Variants in KCNIP1 observed in about 807,000 individuals in gnomAD.
KCNIP1 encodes the protein A-type potassium channel modulatory protein KCNIP1.
A neutral mutation model predicts 33.0 loss-of-function variants in KCNIP1; 18 were observed. The ratio of observed to expected loss-of-function variants is 0.55; its 90% confidence interval spans 0.38 to 0.81. The LOEUF is 0.81. Among genes scored for constraint, KCNIP1 ranks in the 30% least tolerant of loss-of-function variants. KCNIP1 has a pLI of 0.00. For missense variants in KCNIP1, 238 were observed against 271.6 expected, an observed-to-expected ratio of 0.88 and a Z score of 0.87; for synonymous variants, 93 against 98.3, an observed-to-expected ratio of 0.95 and a Z score of 0.32.
intron 1 of KCNIP1, among the ~76,000 whole-genome samples, chr5:170,628,059 T>C (rs1428366329): frequency 6.6e-6 from 1 of 152,060 alleles, no homozygotes; most frequent in Non-Finnish European, 1.5e-5. Flanking sequence ...GAGAAGTGAG[T>C]GGGGAATTCC....
chr5:170,544,853 T>G (rs909805535), intron 1 of KCNIP1, among the ~76,000 whole-genome samples: 4 of 152,204 alleles, frequency 2.6e-5, no homozygotes, highest in African/African-American at 9.6e-5. Flanking sequence ...TCTTTCTTTT[T>G]GTGCTGTTGT....
In KCNIP1 at chr5:170,467,881, G is replaced by A. The variant is rs976043369; in HGVS notation, c.88+113917G>A. Among the ~76,000 whole-genome samples the A allele has an allele frequency of 3.8e-5, 5 of 130,504 alleles. No individual in the cohort carries two copies. In the Admixed American group the frequency reaches 4.8e-4, roughly 13 times the overall value. The allele number at this position is 130,504 out of a possible 152,430, so 85.6% of individuals were successfully genotyped here. ...TGCAGTGAGCTGAGATCACGCCATT[G>A]CACTCCAGCCTGGGCAACAAAGTCA... On this transcript the variant is annotated intron_variant, in intron 1 of 7. Transcript: ENST00000377360.
chr5:170,500,888 A>G (rs1561653591), upstream of KCNIP1, among the ~76,000 whole-genome samples: 1 of 152,222 alleles, frequency 6.6e-6, no homozygotes, highest in East Asian at 1.9e-4. Flanking sequence ...ATGAATCTTC[A>G]CTTGGCAGAG....
At chr5:170,476,984 C>T (rs1047722066) in intron 1 of KCNIP1, among the ~76,000 whole-genome samples, 4 of 152,058 alleles carry the variant, frequency 2.6e-5, no homozygotes, top group African/African-American at 7.2e-5. Context: ...GTGTTAATGT[C>T]GGTTGACAGA....
chr5:170,570,404 C>G (rs144169598), intron 1 of KCNIP1, among the ~76,000 whole-genome samples: 2 of 152,288 alleles, frequency 1.3e-5, no homozygotes, highest in African/African-American at 4.8e-5. Context: ...GGAAAATGCA[C>G]GCTGTTACAC....
intron 1 of KCNIP1, among the ~76,000 whole-genome samples, chr5:170,401,466 T>A (rs547497660): frequency 6.6e-6 from 1 of 152,236 alleles, no homozygotes; most frequent in South Asian, 2.1e-4. Flanking sequence ...ACTGATTTTT[T>A]AAAAATCAGC....
intron 1 of KCNIP1, among the ~76,000 whole-genome samples, chr5:170,437,645 G>A (rs911953405): frequency 6.6e-6 from 1 of 152,146 alleles, no homozygotes; most frequent in Non-Finnish European, 1.5e-5. Flanking sequence ...GAGGTGGACC[G>A]GCCGGAGCAG....
chr5:170,616,987 T>C (rs2113631213), intron 1 of KCNIP1, among the ~76,000 whole-genome samples: 1 of 151,982 alleles, frequency 6.6e-6, no homozygotes, highest in Admixed American at 6.6e-5. Context: ...TGACACTGAG[T>C]TGTAACTGGG....
At chr5:170,692,187 C>A (rs996823387) in intron 1 of KCNIP1, among the ~76,000 whole-genome samples, 1 of 152,162 alleles carries the variant, frequency 6.6e-6, no homozygotes, top group Non-Finnish European at 1.5e-5. Context: ...GCTACTACAG[C>A]CAGGTTGTCA....
At chr5:170,716,600 G>T (rs1232333523) in intron 1 of KCNIP1, among the ~76,000 whole-genome samples, 2 of 152,208 alleles carry the variant, frequency 1.3e-5, no homozygotes, top group Admixed American at 1.3e-4. Flanking sequence ...GAATCTGTTT[G>T]ATGTAGAAGT....
chr5:170,727,227 T>C (rs1042438596), intron 5 of KCNIP1, among the ~76,000 whole-genome samples: 4 of 152,240 alleles, frequency 2.6e-5, no homozygotes, highest in African/African-American at 7.2e-5. Flanking sequence ...TTTTACTCCA[T>C]TTACATGAGA....
chr5:170,624,471 C>T (rs1227665172), intron 1 of KCNIP1, among the ~76,000 whole-genome samples: 1 of 152,062 alleles, frequency 6.6e-6, no homozygotes, highest in Non-Finnish European at 1.5e-5. Context: ...TGTATTCTCT[C>T]GTTTTCCTTC....
chr5:170,624,727 G>GGGGGGGGGT (rs1287768242), intron 1 of KCNIP1, among the ~76,000 whole-genome samples: 2 of 97,342 alleles, frequency 2.1e-5, no homozygotes, highest in African/African-American at 4.1e-5. Context: ...AGGAGACCGG[G>GGGGGGGGGT]GAGGTGGGGG....
At chr5:170,671,217 T>C (rs1333950895) in intron 1 of KCNIP1, among the ~76,000 whole-genome samples, 2 of 152,202 alleles carry the variant, frequency 1.3e-5, no homozygotes, top group African/African-American at 4.8e-5. Context: ...TAACACGGTC[T>C]ACAATATTCT....
rs550370047 is a variant in KCNIP1, at chr5:170,413,905, T to C, written c.88+59941T>C. On this transcript the variant is annotated intron_variant, in intron 1 of 7. Transcript: ENST00000377360. ...TCCCCTGGTCTTGTCCAACTGTATC[T>C]GCTACCATTCCTGAGTGGAAGTTAA... is the stretch of plus-strand genomic sequence containing the variant. 8.1e-4 allele frequency among the ~76,000 whole-genome samples: 119 copies of C among 147,472 alleles called. No homozygotes were observed. The Middle Eastern group carries it at 0.028, about 34-fold the overall frequency.
At chr5:170,356,250 T>C (rs1397865894) in intron 1 of KCNIP1, among the ~76,000 whole-genome samples, 1 of 152,252 alleles carries the variant, frequency 6.6e-6, no homozygotes, top group Non-Finnish European at 1.5e-5. Context: ...GTTCTAGATT[T>C]GCAGTAATCC....
intron 1 of KCNIP1, among the ~76,000 whole-genome samples, chr5:170,575,862 A>G (rs1581347587): frequency 6.6e-6 from 1 of 152,234 alleles, no homozygotes; most frequent in East Asian, 1.9e-4. Flanking sequence ...TGTTAGGTGG[A>G]AAACTTTTTT....
At chr5:170,607,236 C>T (rs1473792801) in intron 1 of KCNIP1, among the ~76,000 whole-genome samples, 1 of 152,206 alleles carries the variant, frequency 6.6e-6, no homozygotes, top group Non-Finnish European at 1.5e-5. Flanking sequence ...ATTTAGCCTC[C>T]AGTGCTTCCA....
rs753816119 is a variant in KCNIP1, at chr5:170,733,794, G to T, written c.541-42G>T. 1.6e-5 allele frequency: 24 copies of T among 1,510,688 alleles called. No homozygotes were observed. The Admixed American group carries it at 3.0e-4, about 19-fold the overall frequency. The allele number at this position is 1,510,688 out of a possible 1,614,324, so 93.6% of individuals were successfully genotyped here. A position where few individuals can be genotyped will look rare whatever the true frequency, so the allele number is the denominator to read the frequency against. On this transcript the variant is annotated intron_variant, in intron 6 of 7. Transcript: ENST00000328939. ...GCAGGGGAGTAAGCTTTGGAATGGA[G>T]ATCACCAGATTCTGTAAAGTGCTTT...
Sources: allele counts gnomAD v4.1 joint callset (sites outside exome capture counted in the v4.1 genomes callset), GRCh38; gene constraint gnomAD v4.1.1; transcripts MANE v1.5; gene names NCBI Gene and HGNC (gene_info 2026-07-23, HGNC 2026-07-21).